The following PHF21B variants were observed in gnomAD, a reference collection of about 807,000 sequenced individuals.
PHF21B encodes PHD finger protein 21B, also known as PHD finger protein 4.
A neutral mutation model predicts 62.2 loss-of-function variants in PHF21B; 22 were observed. The observed-to-expected ratio is 0.35, with a 90% CI of 0.25 to 0.51. PHF21B has a LOEUF of 0.51. PHF21B is among the 20% of genes least tolerant of loss of function. The pLI is 0.97. For missense variants in PHF21B, 701 were observed against 707.9 expected (o/e 0.99, Z 0.11); for synonymous variants, 341 against 314.7 (o/e 1.08, Z -0.88).
chr22:44,917,393 C>T (rs997237877), intron 3 of PHF21B, among the ~76,000 whole-genome samples: 1 of 152,162 alleles, frequency 6.6e-6, no homozygotes, highest in Non-Finnish European at 1.5e-5. Context: ...CCACACCCAG[C>T]AGAGTGTTTC....
intron 5 of PHF21B, among the ~76,000 whole-genome samples, chr22:44,906,147 C>T (rs1399294601): frequency 1.3e-5 from 2 of 152,192 alleles, no homozygotes; most frequent in African/African-American, 4.8e-5. Flanking sequence ...TTTAGGGACA[C>T]AGCAACGTTC....
At chr22:44,921,894 G>C (rs1335716252) in intron 2 of PHF21B, among the ~76,000 whole-genome samples, 1 of 151,832 alleles carries the variant, frequency 6.6e-6, no homozygotes. Context: ...CCTAACCTCA[G>C]GTGATCCACC....
At chr22:44,996,701 T>C (rs2073128378) in intron 2 of PHF21B, among the ~76,000 whole-genome samples, 1 of 151,550 alleles carries the variant, frequency 6.6e-6, no homozygotes, top group African/African-American at 2.4e-5. Context: ...TACATGCATA[T>C]ACACATGCAG....
At chr22:44,955,803 G>A (rs1601641250) in intron 2 of PHF21B, among the ~76,000 whole-genome samples, 2 of 152,144 alleles carry the variant, frequency 1.3e-5, no homozygotes, top group Non-Finnish European at 2.9e-5. Flanking sequence ...ATCAATCCCC[G>A]TATGCATCCC....
chr22:44,922,187 G>A (rs192609418), intron 2 of PHF21B, among the ~76,000 whole-genome samples: 152 of 152,350 alleles, frequency 1.0e-3, no homozygotes, highest in African/African-American at 3.5e-3. Context: ...CAGGACTGCA[G>A]GGCTGCTTTG....
At chr22:44,968,190 C>T (rs111697726) in intron 2 of PHF21B, among the ~76,000 whole-genome samples, 5 of 152,204 alleles carry the variant, frequency 3.3e-5, no homozygotes, top group East Asian at 1.9e-4. Flanking sequence ...TCCTTGAGGG[C>T]GGAGTAGCTA....
intron 2 of PHF21B, among the ~76,000 whole-genome samples, chr22:44,960,121 G>C (rs1873930854): frequency 6.6e-6 from 1 of 152,164 alleles, no homozygotes; most frequent in African/African-American, 2.4e-5. Context: ...GCACCCAGTA[G>C]ATGCTAAGTA....
intron 2 of PHF21B, among the ~76,000 whole-genome samples, chr22:44,985,017 G>A (rs1192142341): frequency 6.6e-6 from 1 of 152,186 alleles, no homozygotes; most frequent in African/African-American, 2.4e-5. Context: ...CTGTTATCCT[G>A]TTAACTCTGC....
intron 2 of PHF21B, among the ~76,000 whole-genome samples, chr22:44,961,845 AAAAT>A (rs142030912): frequency 0.19 from 27,669 of 144,098 alleles, 2,885 homozygotes; most frequent in African/African-American, 0.28. Flanking sequence ...ACTCTGTCTC[AAAAT>A]AAATAAATAA....
At chr22:44,936,158 C>T (rs2071842472) in intron 2 of PHF21B, among the ~76,000 whole-genome samples, 1 of 152,244 alleles carries the variant, frequency 6.6e-6, no homozygotes, top group Non-Finnish European at 1.5e-5. Context: ...GCTGTCTTCA[C>T]TCCTGGGATG....
At chr22:44,902,554 G>A in intron 5 of PHF21B, 1 of 155,084 alleles carries the variant, frequency 6.4e-6, no homozygotes, top group Non-Finnish European at 1.4e-5. Flanking sequence ...ATGGCCCTCT[G>A]TGTTCATTCA....
intron 2 of PHF21B, among the ~76,000 whole-genome samples, chr22:44,992,758 G>A (rs769280741): frequency 6.6e-6 from 1 of 152,154 alleles, no homozygotes; most frequent in Admixed American, 6.5e-5. Flanking sequence ...GTGGCGGGGT[G>A]GGGGACAGGA....
At chr22:44,986,049 AC>A (rs1230855887) in intron 2 of PHF21B, among the ~76,000 whole-genome samples, 14 of 151,774 alleles carry the variant, frequency 9.2e-5, no homozygotes, top group Non-Finnish European at 1.6e-4. Context: ...CACCACCACC[AC>A]TACCATCACA....
rs772585359 is a variant in PHF21B, at chr22:45,008,605, G to A, written c.60C>T (p.Gly20=). 2 of 1,586,798 alleles carry A rather than the reference G, an allele frequency of 1.3e-6. No homozygotes were observed. Among genetic ancestry groups the A allele is most frequent in the Non-Finnish European group, 1.7e-6 (2 of 1,167,338 alleles). ...TTTCGTGGAGCTGCTTCTTGAGGTCGCCGTTCTGCGGAAACACGGAGGAGC... is the reference window on the plus strand; with the variant it reads ...TTTCGTGGAGCTGCTTCTTGAGGTCACCGTTCTGCGGAAACACGGAGGAGC... ...LAVELARHQN[G]DLKKQLHERQ... is the part of the protein sequence containing the mutation. Residue 20 remains glycine, a synonymous_variant, in exon 2 of 13, where the codon GGC becomes GGT. Transcript: ENST00000313237.
rs2071026072 is a variant in PHF21B, at chr22:44,894,674, AG to A, written c.884-1142del. Among the ~76,000 whole-genome samples, 3 of 152,188 alleles carry A rather than the reference AG, an allele frequency of 2.0e-5. No homozygotes were observed. In the South Asian group the frequency reaches 6.2e-4, roughly 32 times the overall value. ...TGCACGCAGAAGGGTGAGGAAGGCC[AG>A]GGGCAAGGGTTGCTTACAGGGGGCT... is the stretch of plus-strand genomic sequence containing the variant. On this transcript the variant is annotated intron_variant, in intron 6 of 12. Transcript: ENST00000313237.
intron 1 of PHF21B, chr22:45,008,930 G>A (rs1194888716): frequency 1.8e-6 from 2 of 1,112,220 alleles, no homozygotes; most frequent in African/African-American, 1.7e-5. Context: ...GTGTGCCGGG[G>A]GAGGGGGGAG....
At chr22:44,978,284 C>A (rs1043614427) in intron 2 of PHF21B, among the ~76,000 whole-genome samples, 1 of 152,174 alleles carries the variant, frequency 6.6e-6, no homozygotes, top group African/African-American at 2.4e-5. Context: ...GCCCCCAACA[C>A]CGTCATCATT....
At chr22:44,904,817 A>T (rs894254603) in intron 5 of PHF21B, among the ~76,000 whole-genome samples, 1 of 93,422 alleles carries the variant, frequency 1.1e-5, no homozygotes, top group Non-Finnish European at 2.2e-5. Context: ...GAAGTGCAAA[A>T]GGAAAGGGAG....
At chr22:44,975,581 G>A (rs1037250803) in intron 2 of PHF21B, among the ~76,000 whole-genome samples, 3 of 152,212 alleles carry the variant, frequency 2.0e-5, no homozygotes, top group African/African-American at 4.8e-5. Context: ...GCTATGCTGC[G>A]CACTGTGGCA....
Sources: gnomAD v4.1 joint callset for allele counts (sites outside exome capture counted in the v4.1 genomes callset) on GRCh38, gnomAD v4.1.1 for gene constraint, MANE v1.5 for transcripts, NCBI Gene and HGNC (gene_info 2026-07-23, HGNC 2026-07-21) for gene names.